RSU1: variants seen among roughly 807,000 people sequenced by gnomAD.
The protein encoded by RSU1 is Ras suppressor protein 1, also known as rsu-1.
RSU1 carries 26 observed loss-of-function variants against 31.1 expected under a neutral mutation model. The observed-to-expected ratio is 0.84, with a 90% confidence interval of 0.61 to 1.16. The LOEUF is 1.16. Among genes scored for constraint, RSU1 ranks in the 50% most tolerant of loss-of-function variants. The probability of loss-of-function intolerance (pLI) is 0.00; values close to 1 mark genes in which losing one functional copy is unlikely to be tolerated. For missense variants in RSU1, 320 were observed against 339.1 expected, an observed-to-expected ratio of 0.94 and a Z score of 0.44; for synonymous variants, 164 against 136.3, an observed-to-expected ratio of 1.20 and a Z score of -1.41.
At chr10:16,623,037 T>C (rs75453752) in intron 8 of RSU1, among the ~76,000 whole-genome samples, 1,790 of 152,262 alleles carry the variant, frequency 0.012, 27 homozygotes, top group African/African-American at 0.028. Context: ...CTTTTTTTTT[T>C]CCCCCAACTT....
intron 7 of RSU1, among the ~76,000 whole-genome samples, chr10:16,711,757 T>C (rs759345228): frequency 1.9e-4 from 29 of 152,226 alleles, no homozygotes; most frequent in Non-Finnish European, 3.5e-4. Flanking sequence ...AGATACTTGA[T>C]AGGATCTCTA....
intron 8 of RSU1, among the ~76,000 whole-genome samples, chr10:16,665,793 T>C (rs1834978022): frequency 6.6e-6 from 1 of 152,180 alleles, no homozygotes; most frequent in Admixed American, 6.5e-5. Flanking sequence ...CCACGGATCA[T>C]CCTAAAATTT....
intron 2 of RSU1, among the ~76,000 whole-genome samples, chr10:16,803,975 A>T (rs1190115881): frequency 6.6e-6 from 1 of 152,230 alleles, no homozygotes; most frequent in Admixed American, 6.5e-5. Context: ...GAAAAACTTG[A>T]TAAGACTTCA....
chr10:16,745,887 G>C (rs1836842947), intron 7 of RSU1, among the ~76,000 whole-genome samples: 1 of 152,198 alleles, frequency 6.6e-6, no homozygotes, highest in African/African-American at 2.4e-5. Flanking sequence ...ATGGGAACCA[G>C]TTGACAGAAT....
intron 7 of RSU1, among the ~76,000 whole-genome samples, chr10:16,718,110 A>AAAAAAG (rs1554768710): frequency 4.6e-5 from 7 of 150,874 alleles, no homozygotes; most frequent in African/African-American, 7.3e-5. Context: ...AAAAAAAAAA[A>AAAAAAG]AAAGAAAGAA....
In RSU1 at chr10:16,596,049, G is replaced by A. The variant is rs117535852; in HGVS notation, c.732-2553C>T. On this transcript the variant is annotated intron_variant, in intron 8 of 8. Transcript: ENST00000345264. ...CAACCTACACTTTTAAAAGGGTCAC[G>A]GGTCCCCCTGAAGACGAGGCCATGG... is the stretch of plus-strand genomic sequence containing the variant. Among the ~76,000 whole-genome samples the A allele has an allele frequency of 6.2e-3, 949 of 152,192 alleles. 6 individuals are homozygous for A. Among genetic ancestry groups the A allele is most frequent in the Admixed American group, 0.011 (166 of 15,298 alleles).
intron 2 of RSU1, among the ~76,000 whole-genome samples, chr10:16,789,422 G>A (rs1837866715): frequency 6.6e-6 from 1 of 152,176 alleles, no homozygotes; most frequent in East Asian, 1.9e-4. Context: ...GGTCTGCAGG[G>A]AAGGCAGTGA....
chr10:16,714,603 G>T (rs1033472138), intron 7 of RSU1, among the ~76,000 whole-genome samples: 4 of 152,116 alleles, frequency 2.6e-5, no homozygotes, highest in African/African-American at 9.7e-5. Context: ...TGTTCCCTGG[G>T]GGGTGGGGGG....
At chr10:16,608,770 G>T (rs1465618136) in intron 8 of RSU1, among the ~76,000 whole-genome samples, 1 of 151,824 alleles carries the variant, frequency 6.6e-6, no homozygotes, top group African/African-American at 2.4e-5. Flanking sequence ...TCCTGAAAAA[G>T]AATGAAGAGT....
chr10:16,619,301 TCA>T (rs905746755), intron 8 of RSU1, among the ~76,000 whole-genome samples: 2 of 152,216 alleles, frequency 1.3e-5, no homozygotes, highest in African/African-American at 4.8e-5. Context: ...TGTTTTCACC[TCA>T]CAGTCTTCTC....
Position 16,816,919 on chromosome 10 carries a change from A to G in RSU1, c.109+54T>C. ...ACAGCAGGACCAGCAGTGAATTGGCAAACTTAGAAAGCCTTCCAGCTCATC... is the reference window on the plus strand; with the variant it reads ...ACAGCAGGACCAGCAGTGAATTGGCGAACTTAGAAAGCCTTCCAGCTCATC... On this transcript the variant is annotated intron_variant, in intron 2 of 8. Transcript: ENST00000345264. 3 of 1,319,644 alleles carry G rather than the reference A, an allele frequency of 2.3e-6. No homozygotes were observed. The South Asian group carries it at 3.6e-5, about 16-fold the overall frequency. 81.7% of individuals were successfully genotyped at this position (1,319,644 alleles called of 1,614,324 possible). A position where few individuals can be genotyped will look rare whatever the true frequency, so the allele number is the denominator to read the frequency against.
intron 8 of RSU1, among the ~76,000 whole-genome samples, chr10:16,687,932 G>A (rs1267767818): frequency 2.6e-5 from 4 of 151,904 alleles, no homozygotes; most frequent in African/African-American, 4.8e-5. Flanking sequence ...ATGTTGCCCA[G>A]GCTGGTCTTG....
At chr10:16,662,108 G>A (rs1040666617) in intron 8 of RSU1, among the ~76,000 whole-genome samples, 3 of 152,200 alleles carry the variant, frequency 2.0e-5, no homozygotes, top group African/African-American at 7.2e-5. Context: ...GACCATACAA[G>A]TGGGCAGGAG....
intron 2 of RSU1, among the ~76,000 whole-genome samples, chr10:16,792,383 C>A (rs1837941480): frequency 6.6e-6 from 1 of 152,180 alleles, no homozygotes; most frequent in Admixed American, 6.5e-5. Context: ...CAGGCACGCA[C>A]CACCACAACT....
At chr10:16,789,651 G>A (rs538266942) in intron 2 of RSU1, among the ~76,000 whole-genome samples, 3 of 152,260 alleles carry the variant, frequency 2.0e-5, no homozygotes, top group East Asian at 1.9e-4. Flanking sequence ...TGAACGTGTC[G>A]GGAAAATGGG....
chr10:16,685,475 T>G (rs35806654), intron 8 of RSU1, among the ~76,000 whole-genome samples: 2 of 152,098 alleles, frequency 1.3e-5, no homozygotes, highest in Non-Finnish European at 2.9e-5. Flanking sequence ...ATTTTTATGG[T>G]TATTTCTTGA....
chr10:16,777,342 G>A (rs1179448861), intron 3 of RSU1, among the ~76,000 whole-genome samples: 4 of 151,834 alleles, frequency 2.6e-5, no homozygotes, highest in African/African-American at 4.8e-5. Context: ...GGATATTGGA[G>A]GAAGAGAAAT....
At chr10:16,810,343 C>T (rs1838383359) in intron 2 of RSU1, among the ~76,000 whole-genome samples, 1 of 152,146 alleles carries the variant, frequency 6.6e-6, no homozygotes, top group Non-Finnish European at 1.5e-5. Flanking sequence ...ATAGTTACTG[C>T]AGGACACAGA....
chr10:16,660,451 T>C (rs1834867015), intron 8 of RSU1, among the ~76,000 whole-genome samples: 2 of 152,134 alleles, frequency 1.3e-5, no homozygotes, highest in Admixed American at 1.3e-4. Flanking sequence ...GAAGGTAAAA[T>C]CTCAAACCTT....
Sources: allele counts gnomAD v4.1 joint callset (sites outside exome capture counted in the v4.1 genomes callset), GRCh38; gene constraint gnomAD v4.1.1; transcripts MANE v1.5; gene names NCBI Gene and HGNC (gene_info 2026-07-23, HGNC 2026-07-21).